GRID2IP: variants seen among roughly 807,000 people sequenced by gnomAD.
The protein encoded by GRID2IP is Grid2 interacting protein, also known as delphilin.
In GRID2IP, 78 loss-of-function variants were observed where a neutral mutation model predicts 114.3. That is an observed-to-expected ratio of 0.68 (90% CI 0.57 to 0.82). GRID2IP has a LOEUF of 0.82. Among genes scored for constraint, GRID2IP ranks in the 40% least tolerant of loss-of-function variants. The pLI is 0.00. For synonymous variants in GRID2IP, 809 were observed against 724.0 expected (o/e 1.12, Z -1.89); for missense variants, 1,727 against 1,678.5 (o/e 1.03, Z -0.51).
Position 6,551,426 on chromosome 7 carries a change from G to C in GRID2IP, c.11C>G (p.Thr4Ser), listed in dbSNP as rs1483801510. Residue 4 changes from threonine (T) to serine (S), a missense_variant, in exon 1 of 22, where the codon ACT becomes AGT. Thr to Ser is a moderately conservative substitution (Grantham distance 58, BLOSUM62 1). Transcript: ENST00000457091. ...GCCCTGGTTCGTGGCCGGCGTGGCA[G>C]TGGTGGCCATGCACCTAGAACTGGA... MAT[T>S]ATPATNQGWP... The C allele has an allele frequency of 6.5e-7, 1 of 1,543,702 alleles. No homozygotes were observed. Among genetic ancestry groups the C allele is most frequent in the African/African-American group, 1.4e-5 (1 of 72,336 alleles).
rs1779368457 is a variant in GRID2IP at position 6,519,260 on chromosome 7, G to GT, written c.1268+1317dup. Among the ~76,000 whole-genome samples, 2 of 152,094 alleles carry GT rather than the reference G, an allele frequency of 1.3e-5. No individual in the cohort carries two copies. Among genetic ancestry groups the GT allele is most frequent in the Admixed American group, 6.6e-5 (1 of 15,250 alleles). On this transcript the variant is annotated intron_variant, in intron 7 of 21. Coordinates refer to ENST00000457091, the MANE Select transcript of GRID2IP (RefSeq NM_001145118.2). This position sits in a 1 kb window ranked among gnomAD's most constrained non-coding sequence, Gnocchi z 4.1. ...AAATGGACCGTGGTGATGTTTGCAC[G>GT]TATTTGTGAATATACTAAAAACCAC...
rs1786426282 is a variant in GRID2IP, at chr7:6,501,903, T to C, written c.3281-4A>G. 4.5e-6 allele frequency: 7 copies of C among 1,551,248 alleles called. No homozygotes were observed. Among genetic ancestry groups the C allele is most frequent in the South Asian group, 1.2e-5 (1 of 84,066 alleles). ...CTGGTCAGGGCCCGTTGGTTCACTG[T>C]AGGGAAGAGGACAGGGGCTGCATGG... On this transcript the variant is annotated splice_polypyrimidine_tract_variant and splice_region_variant and intron_variant, in intron 19 of 21. Coordinates refer to ENST00000457091, the MANE Select transcript of GRID2IP (RefSeq NM_001145118.2).
Position 6,520,734 on chromosome 7 carries a change from G to A in GRID2IP, c.1112C>T (p.Pro371Leu), listed in dbSNP as rs1212468341. Residue 371 changes from proline (P) to leucine (L), a missense_variant, in exon 7 of 22, where the codon CCG becomes CTG. Transcript: ENST00000457091. This position sits in a 1 kb window ranked among gnomAD's most constrained non-coding sequence, Gnocchi z 4.6. ...CTGCAGGGAGGTGAGCGCCGACGAC[G>A]GGTTGGGTGAGTCCAGAGAATCGGA... is the stretch of plus-strand genomic sequence containing the variant. Reference protein sequence around the residue: ...SDSDSLDSPNPSSALTSLQWV... With the variant: ...SDSDSLDSPNLSSALTSLQWV... 8 of 1,551,516 alleles carry A rather than the reference G, an allele frequency of 5.2e-6. No homozygotes were observed. The highest frequency in any genetic ancestry group is 1.4e-5 in the African/African-American group (1 of 73,176).
intron 20 of GRID2IP, among the ~76,000 whole-genome samples, chr7:6,498,432 C>T (rs1017191463): frequency 5.9e-5 from 9 of 152,258 alleles, no homozygotes; most frequent in Non-Finnish European, 1.0e-4. Flanking sequence ...GAACTGGCCA[C>T]AGCCAGTGCA....
At chr7:6,549,579 G>C (rs1779937235) in intron 1 of GRID2IP, among the ~76,000 whole-genome samples, 1 of 152,176 alleles carries the variant, frequency 6.6e-6, no homozygotes, top group Admixed American at 6.5e-5. Context: ...TGGTTTTGTG[G>C]GGGCTTAGAA....
At position 6,508,324 on chromosome 7, in the gene GRID2IP, T is replaced by C. The variant is rs1163705739; in HGVS notation, c.2205A>G (p.Glu735=). Residue 735 remains glutamate, a synonymous_variant, in exon 13 of 22, where the codon GAA becomes GAG. Transcript: ENST00000457091. The surrounding 1 kb of genome is among the most constrained non-coding windows in gnomAD (Gnocchi z 5.6). ...AGGAGTAGGTCAGGGAGCTGCCTTC[T>C]TCACTGCTGCTGATGCAGTCGCTGG... ...SSASDCISSS[E]EGSSLTYSSI... 1.5e-5 allele frequency: 23 copies of C among 1,551,244 alleles called. No individual in the cohort carries two copies. The highest frequency in any genetic ancestry group is 1.9e-5 in the Non-Finnish European group (22 of 1,147,022).
intron 2 of GRID2IP, among the ~76,000 whole-genome samples, chr7:6,530,073 C>T (rs1433982726): frequency 2.6e-5 from 4 of 152,162 alleles, no homozygotes; most frequent in Non-Finnish European, 5.9e-5. Flanking sequence ...ATTCTCCTGC[C>T]TCAGCCTCCC....
Position 6,551,378 on chromosome 7 carries a change from C to T in GRID2IP, c.59G>A (p.Arg20Gln), listed in dbSNP as rs11761490. ...GAAGCAGGGGCCAGAGCCACCTAGC[C>T]GGAAGCCAAAGTCCTCTGGCCAGCC... Reference protein sequence around the residue: ...NQGWPEDFGFRLGGSGPCFVL... With the variant: ...NQGWPEDFGFQLGGSGPCFVL... Residue 20 changes from arginine (R) to glutamine (Q), a missense_variant, in exon 1 of 22, where the codon CGG becomes CAG. Physicochemically the swap from Arg to Gln is conservative, Grantham distance 43. Transcript: ENST00000457091. 149,122 of 1,547,832 alleles carry T rather than the reference C, an allele frequency of 0.096. 8,311 individuals carry two copies. Among genetic ancestry groups the T allele is most frequent in the South Asian group, 0.18 (15,291 of 83,724 alleles).
chr7:6,502,968 G>A, intron 17 of GRID2IP, 40 bp downstream of exon 17: 2 of 1,550,782 alleles, frequency 1.3e-6, no homozygotes. Context: ...CCAGGAGGCA[G>A]AGAAGCAGAT....
rs982233454 is a variant in GRID2IP, at chr7:6,520,479, G to A, written c.1268+99C>T. The A allele has an allele frequency of 1.2e-5, 15 of 1,301,200 alleles. No individual in the cohort carries two copies. Among genetic ancestry groups the A allele is most frequent in the South Asian group, 7.3e-5 (5 of 68,194 alleles). The allele number at this position is 1,301,200 out of a possible 1,614,324, so 80.6% of individuals were successfully genotyped here. A position where few individuals can be genotyped will look rare whatever the true frequency, so the allele number is the denominator to read the frequency against. Reference sequence around the variant, plus strand: ...CTTCCTGAGCATCCCCCAGGAGAACGGGACTGAGGAGGTTCAGGCAGGGAG... The same window carrying A: ...CTTCCTGAGCATCCCCCAGGAGAACAGGACTGAGGAGGTTCAGGCAGGGAG... On this transcript the variant is annotated intron_variant, in intron 7 of 21. Coordinates refer to ENST00000457091, the MANE Select transcript of GRID2IP (RefSeq NM_001145118.2). This position sits in a 1 kb window ranked among gnomAD's most constrained non-coding sequence, Gnocchi z 4.6.
Position 6,521,840 on chromosome 7 carries a change from G to C in GRID2IP, c.989+48C>G. The C allele has an allele frequency of 7.2e-7, 1 of 1,379,826 alleles. No homozygotes were observed. Among genetic ancestry groups the C allele is most frequent in the South Asian group, 1.2e-5 (1 of 80,386 alleles). 85.5% of individuals were successfully genotyped at this position (1,379,826 alleles called of 1,614,324 possible). The stretch of plus-strand genomic sequence containing the variant: ...CCAAGAGGCAGGAGTCTTGCAGGGG[G>C]TGGGGGCAGCTCCTCACCAACCCCT... On this transcript the variant is annotated intron_variant, in intron 5 of 21. Transcript: ENST00000457091. The surrounding 1 kb of genome is among the most constrained non-coding windows in gnomAD (Gnocchi z 4.1).
At position 6,551,081 on chromosome 7, in the gene GRID2IP, C is replaced by T. The variant is rs1187026095; in HGVS notation, c.356G>A (p.Arg119His). 3 of 1,315,400 alleles carry T rather than the reference C, an allele frequency of 2.3e-6. No individual in the cohort carries two copies. Among genetic ancestry groups the T allele is most frequent in the South Asian group, 2.1e-5 (1 of 47,372 alleles). The allele number at this position is 1,315,400 out of a possible 1,614,324, so 81.5% of individuals were successfully genotyped here. The change falls in exon 1 of 22, where the codon CGC becomes CAC. Residue 119 changes from arginine to histidine, a missense_variant. Coordinates refer to ENST00000457091, the MANE Select transcript of GRID2IP (RefSeq NM_001145118.2). ...RGLALGRELL[R>H]LAGRKRPDAV... Reference sequence around the variant, plus strand: ...GTCCGGGCGCTTGCGGCCGGCCAGGCGAAGCAGCTCACGGCCCAGAGCTAG... The same window carrying T: ...GTCCGGGCGCTTGCGGCCGGCCAGGTGAAGCAGCTCACGGCCCAGAGCTAG...
chr7:6,505,358 T>C lies in GRID2IP; in HGVS notation c.2632+462A>G, dbSNP rs988981639. Among the ~76,000 whole-genome samples the C allele has an allele frequency of 8.3e-4, 42 of 50,304 alleles. 1 individual carries two copies. The East Asian group carries it at 9.2e-3, about 11-fold the overall frequency. 33.0% of individuals were successfully genotyped at this position (50,304 alleles called of 152,430 possible). A position where few individuals can be genotyped will look rare whatever the true frequency, so the allele number is the denominator to read the frequency against. On this transcript the variant is annotated intron_variant, in intron 14 of 21. Coordinates refer to ENST00000457091, the MANE Select transcript of GRID2IP (RefSeq NM_001145118.2). ...TGATCACTGCACAGTAAATGCCAGC[T>C]TTTTTTTTTTTTTTTTTTTTAGACG...
chr7:6,506,144 G>A lies in GRID2IP; in HGVS notation c.2545-237C>T, dbSNP rs541194828. 2.6e-5 allele frequency among the ~76,000 whole-genome samples: 4 copies of A among 152,340 alleles called. No individual in the cohort carries two copies. The highest frequency in any genetic ancestry group is 1.3e-4 in the Admixed American group (2 of 15,306). On this transcript the variant is annotated intron_variant, in intron 13 of 21. Coordinates refer to ENST00000457091, the MANE Select transcript of GRID2IP (RefSeq NM_001145118.2). The surrounding 1 kb of genome is among the most constrained non-coding windows in gnomAD (Gnocchi z 5.2). ...AGACTCAAGACTTGGAACACTACTC[G>A]TGCAGAAGCCAGCAAGGTGGGACTG...
intron 7 of GRID2IP, among the ~76,000 whole-genome samples, chr7:6,518,909 GTTT>G (rs11478136): frequency 2.0e-5 from 3 of 151,562 alleles, no homozygotes; most frequent in African/African-American, 7.3e-5. Flanking sequence ...ATCAAGCACA[GTTT>G]TTTTTTGTTT....
Position 6,505,886 on chromosome 7 carries a change from C to T in GRID2IP, c.2566G>A (p.Asp856Asn), listed in dbSNP as rs1470273928. ...WGQLGEDSDY[D>N]KLSDMVKYLD... ...TATTTCACCATGTCACTCAGCTTAT[C>T]GTAGTCAGAGTCTTCCCCGAGCTGC... Residue 856 changes from aspartate (D) to asparagine (N), a missense_variant, in exon 14 of 22, where the codon GAT becomes AAT. Asp to Asn is a conservative substitution (Grantham distance 23). Coordinates refer to ENST00000457091, the MANE Select transcript of GRID2IP (RefSeq NM_001145118.2). The T allele has an allele frequency of 9.7e-6, 15 of 1,551,850 alleles. No individual in the cohort carries two copies. Among genetic ancestry groups the T allele is most frequent in the African/African-American group, 2.7e-5 (2 of 73,054 alleles).
At position 6,521,380 on chromosome 7, in the gene GRID2IP, G is replaced by C. The variant is rs995934908; in HGVS notation, c.1084+49C>G. ...TGTGACTCTCACATATAGCAGCCTG[G>C]GCAGGGTCTCTGGGGGCCAAGGAAG... On this transcript the variant is annotated intron_variant, in intron 6 of 21. Coordinates refer to ENST00000457091, the MANE Select transcript of GRID2IP (RefSeq NM_001145118.2). This position sits in a 1 kb window ranked among gnomAD's most constrained non-coding sequence, Gnocchi z 4.1. 1.2e-5 allele frequency: 16 copies of C among 1,338,764 alleles called. No individual in the cohort carries two copies. Among genetic ancestry groups the C allele is most frequent in the Non-Finnish European group, 1.6e-5 (16 of 975,184 alleles). The allele number at this position is 1,338,764 out of a possible 1,614,324, so 82.9% of individuals were successfully genotyped here.
Position 6,521,178 on chromosome 7 carries a change from T to C in GRID2IP, c.1084+251A>G, listed in dbSNP as rs1200450642. Among the ~76,000 whole-genome samples the C allele has an allele frequency of 6.6e-6, 1 of 152,026 alleles. No individual in the cohort carries two copies. Among genetic ancestry groups the C allele is most frequent in the Non-Finnish European group, 1.5e-5 (1 of 67,994 alleles). On this transcript the variant is annotated intron_variant, in intron 6 of 21. Coordinates refer to ENST00000457091, the MANE Select transcript of GRID2IP (RefSeq NM_001145118.2). This position sits in a 1 kb window ranked among gnomAD's most constrained non-coding sequence, Gnocchi z 4.1. Reference sequence around the variant, plus strand: ...TAGAGACAGAGTTGTGCCATGTTGCTCAGACTGGTCTCAAACTCCTGGCCT... The same window carrying C: ...TAGAGACAGAGTTGTGCCATGTTGCCCAGACTGGTCTCAAACTCCTGGCCT...
intron 21 of GRID2IP, 28 bp downstream of exon 21, chr7:6,498,036 G>C: frequency 1.3e-6 from 2 of 1,515,090 alleles, no homozygotes; most frequent in Non-Finnish European, 1.8e-6. Flanking sequence ...TCTCCAAAAG[G>C]GCCCCTCAGG....
Sources: gnomAD v4.1 joint callset for allele counts (sites outside exome capture counted in the v4.1 genomes callset) on GRCh38, gnomAD v4.1.1 for gene constraint, Gnocchi (gnomAD v3.1) non-coding constraint, MANE v1.5 for transcripts, NCBI Gene and HGNC (gene_info 2026-07-23, HGNC 2026-07-21) for gene names.